The following ASPH variants were observed in gnomAD, a reference collection of about 807,000 sequenced individuals.
ASPH encodes aspartate beta-hydroxylase.
A neutral mutation model predicts 118.4 loss-of-function variants in ASPH; 100 were observed. The observed-to-expected ratio is 0.84, with a 90% CI of 0.72 to 1.00. ASPH has a LOEUF of 1.00. Ranked by LOEUF, ASPH falls within the 50% of genes least tolerant of loss-of-function variation. The probability of loss-of-function intolerance (pLI) is 0.00; values close to 1 mark genes in which losing one functional copy is unlikely to be tolerated. For synonymous variants in ASPH, 315 were observed against 325.6 expected (o/e 0.97, Z 0.35); for missense variants, 920 against 919.5 (o/e 1.00, Z -0.01).
At chr8:61,713,470 T>C (rs1332739850) in intron 1 of ASPH, among the ~76,000 whole-genome samples, 1 of 152,172 alleles carries the variant, frequency 6.6e-6, no homozygotes, top group Non-Finnish European at 1.5e-5. Context: ...AGTTTACAGC[T>C]CACATTCCAT....
chr8:61,577,421 A>C (rs113361818), intron 15 of ASPH, among the ~76,000 whole-genome samples: 1 of 148,262 alleles, frequency 6.7e-6, no homozygotes, highest in Non-Finnish European at 1.5e-5. Flanking sequence ...AAAAAAAAAA[A>C]AAGACAAGAC....
At chr8:61,593,463 A>G (rs765203384) in intron 14 of ASPH, among the ~76,000 whole-genome samples, 1 of 152,202 alleles carries the variant, frequency 6.6e-6, no homozygotes, top group Non-Finnish European at 1.5e-5. Flanking sequence ...TCAATATTCA[A>G]AGCTTAAACC....
intron 1 of ASPH, among the ~76,000 whole-genome samples, chr8:61,708,549 T>C (rs913485307): frequency 6.6e-6 from 1 of 151,942 alleles, no homozygotes; most frequent in Non-Finnish European, 1.5e-5. Context: ...AGAAGAATAA[T>C]AAATAAGAAA....
At position 61,644,471 on chromosome 8, in the gene ASPH, AATT is replaced by A. The variant is rs531553822; in HGVS notation, c.652+126_652+128del. 1.6e-3 allele frequency: 1,068 copies of A among 654,570 alleles called. 4 individuals carry two copies. The highest frequency in any genetic ancestry group is 2.9e-3 in the Middle Eastern group (6 of 2,088). 40.5% of individuals were successfully genotyped at this position (654,570 alleles called of 1,614,324 possible). ...ATACCATAAATATAAGACGTAATAAAATTATTAATTGCATATCTTGCATATATT... is the reference window on the plus strand; with the variant it reads ...ATACCATAAATATAAGACGTAATAAAATTAATTGCATATCTTGCATATATT... On this transcript the variant is annotated intron_variant, in intron 7 of 24. Coordinates refer to ENST00000379454, the MANE Select transcript of ASPH (RefSeq NM_004318.4).
intron 12 of ASPH, among the ~76,000 whole-genome samples, chr8:61,636,774 C>T (rs947321198): frequency 6.6e-6 from 1 of 152,168 alleles, no homozygotes; most frequent in African/African-American, 2.4e-5. Context: ...GGGTTTCCAT[C>T]TTCTGATTCT....
At chr8:61,556,143 G>A in intron 18 of ASPH, 121 bp from the exon 19 acceptor site, 1 of 790,840 alleles carries the variant, frequency 1.3e-6, no homozygotes, top group Non-Finnish European at 2.0e-6. Flanking sequence ...ATTGGATTAT[G>A]ATGTTACAGC....
intron 18 of ASPH, among the ~76,000 whole-genome samples, chr8:61,560,579 A>C (rs1176828090): frequency 2.6e-5 from 4 of 152,022 alleles, no homozygotes; most frequent in Non-Finnish European, 5.9e-5. Flanking sequence ...GGCGACCCCC[A>C]CACATATTTT....
intron 13 of ASPH, among the ~76,000 whole-genome samples, chr8:61,627,599 T>C (rs1290777823): frequency 6.6e-6 from 1 of 152,254 alleles, no homozygotes; most frequent in Non-Finnish European, 1.5e-5. Context: ...AAATGAGTTT[T>C]AGATTCTCTT....
intron 1 of ASPH, among the ~76,000 whole-genome samples, chr8:61,696,148 A>G (rs1317066360): frequency 6.6e-6 from 1 of 152,150 alleles, no homozygotes; most frequent in Non-Finnish European, 1.5e-5. Flanking sequence ...CAGGTAGGAC[A>G]GGCTCTGTAG....
At chr8:61,627,717 GGCAAATA>G (rs1853572843) in intron 13 of ASPH, among the ~76,000 whole-genome samples, 1 of 152,088 alleles carries the variant, frequency 6.6e-6, no homozygotes, top group Non-Finnish European at 1.5e-5. Flanking sequence ...TTTATAAAAA[GGCAAATA>G]AACTAAAAGT....
chr8:61,511,034 T>C (rs1321719427), intron 24 of ASPH, among the ~76,000 whole-genome samples: 1 of 152,212 alleles, frequency 6.6e-6, no homozygotes, highest in Non-Finnish European at 1.5e-5. Context: ...CTTAAAATTA[T>C]CTCCTTGGAC....
chr8:61,609,039 G>A (rs759955713), intron 14 of ASPH, among the ~76,000 whole-genome samples: 1 of 152,168 alleles, frequency 6.6e-6, no homozygotes, highest in Non-Finnish European at 1.5e-5. Context: ...TTAGCTTCAG[G>A]TGCTCTAGAT....
Position 61,517,610 on chromosome 8 carries a change from G to A in ASPH, c.2044C>T (p.Pro682Ser), listed in dbSNP as rs1002230330. The A allele has an allele frequency of 1.2e-6, 2 of 1,614,096 alleles. No homozygotes were observed. The highest frequency in any genetic ancestry group is 1.3e-5 in the African/African-American group (1 of 75,048). ...TGCATTCGGAGCCTGCAGTTTGTGG[G>A]CCCTGTGTGCGGCCACACGTGAGTC... ...PGTHVWPHTG[P>S]TNCRLRMHLG... The change falls in exon 24 of 25, where the codon CCC (proline) becomes TCC (serine). Residue 682 changes from proline to serine, a missense_variant. Coordinates refer to ENST00000379454, the MANE Select transcript of ASPH (RefSeq NM_004318.4).
At chr8:61,696,554 A>T (rs1269617515) in intron 1 of ASPH, among the ~76,000 whole-genome samples, 1 of 152,194 alleles carries the variant, frequency 6.6e-6, no homozygotes, top group African/African-American at 2.4e-5. Flanking sequence ...CAATATAAAT[A>T]GTAGTTAACC....
intron 1 of ASPH, among the ~76,000 whole-genome samples, chr8:61,708,274 C>A (rs1294152107): frequency 6.6e-6 from 1 of 152,130 alleles, no homozygotes; most frequent in Non-Finnish European, 1.5e-5. Flanking sequence ...TGCCAAAAAG[C>A]AAATCCATGA....
At chr8:61,576,980 GA>G in intron 15 of ASPH, 122 bp from the exon 16 acceptor site, 1 of 704,940 alleles carries the variant, frequency 1.4e-6, no homozygotes, top group Middle Eastern at 4.2e-4. Context: ...TGAGTGTAAA[GA>G]TAGTTTTATC....
chr8:61,662,447 G>T (rs1277319678), intron 3 of ASPH, among the ~76,000 whole-genome samples: 1 of 152,076 alleles, frequency 6.6e-6, no homozygotes, highest in Non-Finnish European at 1.5e-5. Context: ...ATTTAAAAAG[G>T]TAACCTTTCT....
rs866328539 is a variant in ASPH, at chr8:61,533,107, T to C, written c.1765-6995A>G. Among the ~76,000 whole-genome samples, 211 of 151,226 alleles carry C rather than the reference T, an allele frequency of 1.4e-3. 1 individual carries two copies. Among genetic ancestry groups the C allele is most frequent in the Middle Eastern group, 6.8e-3 (2 of 292 alleles). On this transcript the variant is annotated intron_variant, in intron 21 of 24. Transcript: ENST00000379454. ...ATTCATTTCTTCATTTCTTCTTCTT[T>C]TTTTTTTTTTGCCTATTCTCCCTGG... is the stretch of plus-strand genomic sequence containing the variant.
intron 13 of ASPH, among the ~76,000 whole-genome samples, chr8:61,626,571 C>T (rs1384276875): frequency 6.6e-6 from 1 of 151,314 alleles, no homozygotes; most frequent in African/African-American, 2.4e-5. Flanking sequence ...TTTCTTTCTT[C>T]AATATTTTCA....
Sources: gnomAD v4.1 joint callset for allele counts (sites outside exome capture counted in the v4.1 genomes callset) on GRCh38, gnomAD v4.1.1 for gene constraint, MANE v1.5 for transcripts, NCBI Gene and HGNC (gene_info 2026-07-23, HGNC 2026-07-21) for gene names.